Variants in ZMYM6 observed in about 807,000 individuals in gnomAD.
ZMYM6 encodes zinc finger MYM-type protein 6.
Under a neutral mutation model 134.0 loss-of-function variants are expected in ZMYM6, and 90 were observed. The observed-to-expected ratio is 0.67, with a 90% confidence interval of 0.57 to 0.80. ZMYM6 has a LOEUF of 0.80. Ranked by LOEUF, ZMYM6 falls within the 30% of genes least tolerant of loss-of-function variation. The probability of loss-of-function intolerance (pLI) is 0.00; values close to 1 mark genes in which losing one functional copy is unlikely to be tolerated. For synonymous variants in ZMYM6, 481 were observed against 524.1 expected (o/e 0.92, Z 1.12); for missense variants, 1,362 against 1,533.9 (o/e 0.89, Z 1.87).
Position 35,002,657 on chromosome 1 carries a change from A to C in ZMYM6, c.1992+1311T>G, listed in dbSNP as rs566289075. ...TTCAGTTTTTTGAGCACTACTGCTA[A>C]TATTCTGCTGGGTACACTCTCCTAA... On this transcript the variant is annotated intron_variant, in intron 14 of 15. Transcript: ENST00000357182. Among the ~76,000 whole-genome samples, 54 of 152,294 alleles carry C rather than the reference A, an allele frequency of 3.5e-4. No individual in the cohort carries two copies. The South Asian group carries it at 7.5e-3, about 21-fold the overall frequency.
At chr1:34,997,994 G>A (rs534203817) in intron 14 of ZMYM6, among the ~76,000 whole-genome samples, 1 of 152,090 alleles carries the variant, frequency 6.6e-6, no homozygotes, top group African/African-American at 2.4e-5. Flanking sequence ...TTAAATATAT[G>A]TTTGGGCCAG....
intron 14 of ZMYM6, among the ~76,000 whole-genome samples, chr1:34,999,525 T>A (rs763815627): frequency 1.3e-5 from 2 of 151,768 alleles, no homozygotes; most frequent in Non-Finnish European, 2.9e-5. Flanking sequence ...AATAATGAGT[T>A]GAAAAGGGGG....
Position 35,030,656 on chromosome 1 carries a change from A to C in ZMYM6, c.-17T>G. 3 of 1,608,870 alleles carry C rather than the reference A, an allele frequency of 1.9e-6. No homozygotes were observed. Among genetic ancestry groups the C allele is most frequent in the Non-Finnish European group, 1.7e-6 (2 of 1,177,726 alleles). On this transcript the variant is annotated 5_prime_UTR_variant, in exon 2 of 16. Coordinates refer to ENST00000357182, the MANE Select transcript of ZMYM6 (RefSeq NM_007167.4). ...TTCTTTCATTCTAATTTTTTACCTC[A>C]AAGAGTGTCTCAGGCTCAAACGAAT...
At position 35,002,130 on chromosome 1, in the gene ZMYM6, T is replaced by C. The variant is rs549451856; in HGVS notation, c.1992+1838A>G. Among the ~76,000 whole-genome samples, 35 of 152,310 alleles carry C rather than the reference T, an allele frequency of 2.3e-4. No individual in the cohort carries two copies. The South Asian group carries it at 3.5e-3, about 15-fold the overall frequency. The stretch of plus-strand genomic sequence containing the variant: ...ATTGACTGCTAGGACCCTCTTCCAG[T>C]TGCTTTTGTTCTTCTAATTCTAGCA... On this transcript the variant is annotated intron_variant, in intron 14 of 15. Transcript: ENST00000357182.
intron 15 of ZMYM6, among the ~76,000 whole-genome samples, chr1:34,991,199 A>G (rs951759306): frequency 6.6e-6 from 1 of 152,066 alleles, no homozygotes; most frequent in African/African-American, 2.4e-5. Context: ...TCAAAACATA[A>G]GCACACACAC....
intron 8 of ZMYM6, among the ~76,000 whole-genome samples, chr1:35,011,300 C>T (rs1023735627): frequency 6.6e-6 from 1 of 152,002 alleles, no homozygotes; most frequent in African/African-American, 2.4e-5. Context: ...CCTCTCCTTC[C>T]CCCTAAAACT....
intron 2 of ZMYM6, among the ~76,000 whole-genome samples, chr1:35,027,023 G>A (rs1340561416): frequency 6.6e-6 from 1 of 152,084 alleles, no homozygotes; most frequent in African/African-American, 2.4e-5. Context: ...AAAAGAGAGA[G>A]AGAACAGCTC....
rs1322859956 is a variant in ZMYM6 at position 34,988,374 on chromosome 1, C to T, written c.2708G>A (p.Arg903Lys). Residue 903 changes from arginine to lysine, a missense_variant, in exon 16 of 16, where the codon AGA (arginine) becomes AAA (lysine). Physicochemically the swap from Arg to Lys is conservative, Grantham distance 26. This residue lies in a region of ZMYM6 where 824 missense variants were observed against 940.9 expected (regional missense o/e 0.88). Transcript: ENST00000357182. Reference sequence around the variant, plus strand: ...CTGAAGGGCAAACCACTTTGACTCTCTGACCTTTTGAATCAGCTGGTCTTC... The same window carrying T: ...CTGAAGGGCAAACCACTTTGACTCTTTGACCTTTTGAATCAGCTGGTCTTC... ...DIEDQLIQKV[R>K]ESKWFALQID... The T allele has an allele frequency of 1.3e-6, 2 of 1,551,622 alleles. No individual in the cohort carries two copies. The highest frequency in any genetic ancestry group is 2.4e-5 in the East Asian group (1 of 40,902).
At position 34,988,373 on chromosome 1, in the gene ZMYM6, T is replaced by A; in HGVS notation, c.2709A>T (p.Arg903Ser). 1 of 1,551,682 alleles carries A rather than the reference T, an allele frequency of 6.4e-7. No individual in the cohort carries two copies. Residue 903 changes from arginine to serine, a missense_variant, in exon 16 of 16, where the codon AGA becomes AGT. Physicochemically the swap from Arg to Ser is moderately radical, Grantham distance 110 (BLOSUM62 -1). This residue lies in a region of ZMYM6 where 824 missense variants were observed against 940.9 expected (regional missense o/e 0.88). Transcript: ENST00000357182. ...TCTGAAGGGCAAACCACTTTGACTC[T>A]CTGACCTTTTGAATCAGCTGGTCTT... Reference protein sequence around the residue: ...DIEDQLIQKVRESKWFALQID... With the variant: ...DIEDQLIQKVSESKWFALQID...
At chr1:35,021,643 A>G (rs1641311856) in intron 2 of ZMYM6, among the ~76,000 whole-genome samples, 1 of 152,130 alleles carries the variant, frequency 6.6e-6, no homozygotes, top group Non-Finnish European at 1.5e-5. Context: ...AAAAGAAAAA[A>G]AGAAAAGTTA....
At position 34,986,778 on chromosome 1, in the gene ZMYM6, A is replaced by C; in HGVS notation, c.*326T>G. 1 of 164,910 alleles carries C rather than the reference A, an allele frequency of 6.1e-6. No homozygotes were observed. The highest frequency in any genetic ancestry group is 1.3e-5 in the Non-Finnish European group (1 of 76,938). The allele number at this position is 164,910 out of a possible 1,614,324, so 10.2% of individuals were successfully genotyped here. A position where few individuals can be genotyped will look rare whatever the true frequency, so the allele number is the denominator to read the frequency against. On this transcript the variant is annotated 3_prime_UTR_variant, in exon 16 of 16. Coordinates refer to ENST00000357182, the MANE Select transcript of ZMYM6 (RefSeq NM_007167.4). ...GGGTAAGTAGCTGGTTGGCTAGAAG[A>C]CTGAAATGTTCCACTTGCTTCTAAA...
chr1:34,992,197 A>C, intron 15 of ZMYM6, 37 bp downstream of exon 15: 1 of 1,613,238 alleles, frequency 6.2e-7, no homozygotes, highest in Non-Finnish European at 8.5e-7. Flanking sequence ...AAGCCAGAAA[A>C]CAAGCTTTGT....
chr1:35,025,393 G>A (rs1236624942), intron 2 of ZMYM6, among the ~76,000 whole-genome samples: 3 of 148,476 alleles, frequency 2.0e-5, no homozygotes, highest in Non-Finnish European at 4.4e-5. Flanking sequence ...CGTGAACCCA[G>A]GAGGTGGAGG....
rs1478393882 is a variant in ZMYM6 at position 35,008,752 on chromosome 1, C to T, written c.1665G>A (p.Gln555=). 7 of 1,610,698 alleles carry T rather than the reference C, an allele frequency of 4.3e-6. No individual in the cohort carries two copies. The Admixed American group carries it at 8.4e-5, about 19-fold the overall frequency. Residue 555 remains glutamine, a splice_region_variant and synonymous_variant, in exon 11 of 16, where the codon CAG becomes CAA. Transcript: ENST00000357182. ...CMSKFTVLFY[Q]MAKCDGCKRQ... is the part of the protein sequence containing the mutation. Reference sequence around the variant, plus strand: ...AAAAAAAGTATATTATCACATTTACCTGATAAAACAGAACTGTAAATTTGG... The same window carrying T: ...AAAAAAAGTATATTATCACATTTACTTGATAAAACAGAACTGTAAATTTGG...
At chr1:35,025,466 C>CAAAAAAAAAAAAAAAAAAAAAAA (rs1161814959) in intron 2 of ZMYM6, among the ~76,000 whole-genome samples, 2 of 55,006 alleles carry the variant, frequency 3.6e-5, no homozygotes, top group Non-Finnish European at 3.9e-5. Flanking sequence ...GACTCCATCC[C>CAAAAAAAAAAAAAAAAAAAAAAA]AAAAAAAAAA....
intron 14 of ZMYM6, among the ~76,000 whole-genome samples, chr1:34,995,060 ATATG>A (rs1207596351): frequency 1.6e-5 from 2 of 127,334 alleles, no homozygotes; most frequent in East Asian, 5.1e-4. Flanking sequence ...ATACGTATAT[ATATG>A]TAATATATAT....
rs571294724 is a variant in ZMYM6 at position 35,015,209 on chromosome 1, T to C, written c.429-47A>G. 371 of 1,485,600 alleles carry C rather than the reference T, an allele frequency of 2.5e-4. 10 individuals are homozygous for C. The South Asian group carries it at 4.4e-3, about 18-fold the overall frequency. 92.0% of individuals were successfully genotyped at this position (1,485,600 alleles called of 1,614,324 possible). A position where few individuals can be genotyped will look rare whatever the true frequency, so the allele number is the denominator to read the frequency against. On this transcript the variant is annotated intron_variant, in intron 4 of 15. Transcript: ENST00000357182. ...AAAAATGAAATGTATTCTTCACAACTGTAACTTCCTCCTCTTTGTGAGGTG... is the reference window on the plus strand; with the variant it reads ...AAAAATGAAATGTATTCTTCACAACCGTAACTTCCTCCTCTTTGTGAGGTG...
At chr1:34,989,052 T>C in intron 15 of ZMYM6, 117 bp from the exon 16 acceptor site, 1 of 1,489,386 alleles carries the variant, frequency 6.7e-7, no homozygotes, top group African/African-American at 1.4e-5. Flanking sequence ...ATCAAAAGAA[T>C]GCACTGGTAA....
At chr1:35,016,080 T>C (rs1454900143) in intron 4 of ZMYM6, among the ~76,000 whole-genome samples, 11 of 151,134 alleles carry the variant, frequency 7.3e-5, no homozygotes, top group Admixed American at 3.3e-4. Flanking sequence ...CCGGTTCGAG[T>C]AGCTGGGACA....
Sources: allele counts gnomAD v4.1 joint callset (sites outside exome capture counted in the v4.1 genomes callset), GRCh38; gene constraint gnomAD v4.1.1; regional missense constraint gnomAD v4.1.1; transcripts MANE v1.5; gene names NCBI Gene and HGNC (gene_info 2026-07-23, HGNC 2026-07-21).